The following PARN variants were observed in gnomAD, a reference collection of about 807,000 sequenced individuals.
PARN encodes poly(A)-specific ribonuclease PARN.
In PARN, 71 loss-of-function variants were observed where a neutral mutation model predicts 102.8. That is an observed-to-expected ratio of 0.69 (90% CI 0.57 to 0.84). The LOEUF (loss-of-function observed/expected upper bound fraction) is 0.84, where lower values mean the gene tolerates loss of function less well. Ranked by LOEUF, PARN falls within the 40% of genes least tolerant of loss-of-function variation. The pLI is 0.00. For missense variants in PARN, 782 were observed against 760.9 expected, an observed-to-expected ratio of 1.03 and a Z score of -0.33; for synonymous variants, 261 against 252.9, an observed-to-expected ratio of 1.03 and a Z score of -0.30.
chr16:14,469,800 C>T (rs1962609062), intron 22 of PARN, among the ~76,000 whole-genome samples: 2 of 151,926 alleles, frequency 1.3e-5, no homozygotes, highest in African/African-American at 2.4e-5. Flanking sequence ...GCTTTATTTC[C>T]GCTAACACCA....
intron 22 of PARN, among the ~76,000 whole-genome samples, chr16:14,454,985 A>G (rs761227320): frequency 6.6e-6 from 1 of 152,242 alleles, no homozygotes; most frequent in African/African-American, 2.4e-5. Context: ...ACATAAAAAT[A>G]ACCTCTACCT....
intron 16 of PARN, 84 bp from the exon 17 acceptor site, chr16:14,582,375 G>T (rs1969586841): frequency 1.2e-6 from 1 of 865,832 alleles, no homozygotes; most frequent in Non-Finnish European, 2.0e-6. Context: ...ATTAGCATAT[G>T]CTAGAGAAAT....
At chr16:14,493,184 C>G (rs1160680146) in intron 21 of PARN, among the ~76,000 whole-genome samples, 1 of 152,146 alleles carries the variant, frequency 6.6e-6, no homozygotes, top group Non-Finnish European at 1.5e-5. Context: ...CTGAAACCAC[C>G]TGTTAAAACA....
chr16:14,599,824 G>T, intron 12 of PARN, 80 bp downstream of exon 12: 1 of 825,364 alleles, frequency 1.2e-6, no homozygotes, highest in Non-Finnish European at 2.0e-6. Flanking sequence ...GAGATGAAAT[G>T]ATTAATCTGC....
At chr16:14,460,709 G>A (rs1205952205) in intron 22 of PARN, among the ~76,000 whole-genome samples, 2 of 152,170 alleles carry the variant, frequency 1.3e-5, no homozygotes, top group Non-Finnish European at 2.9e-5. Flanking sequence ...AGAAACCACT[G>A]AGAATTAAAG....
At chr16:14,602,866 A>G (rs1970959962) in intron 11 of PARN, among the ~76,000 whole-genome samples, 1 of 151,988 alleles carries the variant, frequency 6.6e-6, no homozygotes, top group African/African-American at 2.4e-5. Context: ...GCTGCAGCCT[A>G]GAACTCATCC....
chr16:14,439,892 G>A (rs1960872652), intron 23 of PARN, among the ~76,000 whole-genome samples: 1 of 152,142 alleles, frequency 6.6e-6, no homozygotes, highest in African/African-American at 2.4e-5. Context: ...GCAGGCGCCT[G>A]TAATCCCAGC....
chr16:14,539,512 A>G (rs1217478692), intron 21 of PARN, among the ~76,000 whole-genome samples: 1 of 152,240 alleles, frequency 6.6e-6, no homozygotes, highest in African/African-American at 2.4e-5. Context: ...GAGATACATA[A>G]GACGGCTAAT....
Position 14,609,007 on chromosome 16 carries a change from C to A in PARN, c.620+51G>T, listed in dbSNP as rs1971358435. On this transcript the variant is annotated intron_variant, in intron 8 of 23. Transcript: ENST00000437198. ...GACTAGATGCATCAAATGCCACAAA[C>A]CATCTACCTTTCCAAAAAAAGGACA... is the stretch of plus-strand genomic sequence containing the variant. The A allele has an allele frequency of 1.1e-5, 11 of 1,007,730 alleles. No homozygotes were observed. In the South Asian group the frequency reaches 1.5e-4, roughly 14 times the overall value. 62.4% of individuals were successfully genotyped at this position (1,007,730 alleles called of 1,614,324 possible).
chr16:14,593,859 C>T (rs1437578520), intron 12 of PARN, among the ~76,000 whole-genome samples: 4 of 151,734 alleles, frequency 2.6e-5, no homozygotes, highest in Admixed American at 2.0e-4. Context: ...TAGCCAGGTG[C>T]GGTGGTGCAT....
intron 18 of PARN, among the ~76,000 whole-genome samples, chr16:14,556,901 C>A (rs1383279353): frequency 6.6e-6 from 1 of 152,012 alleles, no homozygotes; most frequent in Non-Finnish European, 1.5e-5. Flanking sequence ...ATTTAAAACA[C>A]ACTAAAAGCA....
intron 10 of PARN, among the ~76,000 whole-genome samples, chr16:14,606,274 G>T (rs1971175142): frequency 6.6e-6 from 1 of 151,970 alleles, no homozygotes; most frequent in African/African-American, 2.4e-5. Context: ...GGTGGCACGA[G>T]CCTGTAGTCC....
At chr16:14,456,640 A>G (rs903627899) in intron 22 of PARN, among the ~76,000 whole-genome samples, 7 of 152,076 alleles carry the variant, frequency 4.6e-5, no homozygotes, top group Non-Finnish European at 8.8e-5. Flanking sequence ...GTACACTCCC[A>G]TTTTGCAGAC....
chr16:14,461,488 C>T (rs920244814), intron 22 of PARN, among the ~76,000 whole-genome samples: 25 of 152,266 alleles, frequency 1.6e-4, no homozygotes, highest in Admixed American at 5.2e-4. Context: ...TTATCCTTTG[C>T]GCTTTCAATG....
chr16:14,576,382 T>A (rs1388464864), intron 18 of PARN: 1 of 152,242 alleles, frequency 6.6e-6, no homozygotes, highest in Admixed American at 6.5e-5. Flanking sequence ...AAAAGAGACC[T>A]GCTTATTCTT....
rs1254494045 is a variant in PARN at position 14,610,810 on chromosome 16, C to T, written c.389-1G>A. On this transcript the variant is annotated splice_acceptor_variant, in intron 6 of 23. Coordinates refer to ENST00000437198, the MANE Select transcript of PARN (RefSeq NM_002582.4). LOFTEE classifies it high-confidence loss of function. ...TCTTCCTGATTTAAATATGGAATTC[C>T]TAAACACGATTTTAAAAAGAATGCA... 1 of 1,599,630 alleles carries T rather than the reference C, an allele frequency of 6.3e-7. No homozygotes were observed. Among genetic ancestry groups the T allele is most frequent in the Non-Finnish European group, 8.6e-7 (1 of 1,168,238 alleles).
At chr16:14,585,088 T>A (rs546103213) in intron 14 of PARN, among the ~76,000 whole-genome samples, 1 of 152,306 alleles carries the variant, frequency 6.6e-6, no homozygotes, top group South Asian at 2.1e-4. Flanking sequence ...TTCACCTGGA[T>A]CCTCAGAGAG....
chr16:14,451,179 T>A (rs1961428569), intron 22 of PARN, among the ~76,000 whole-genome samples: 1 of 152,170 alleles, frequency 6.6e-6, no homozygotes, highest in Non-Finnish European at 1.5e-5. Context: ...CTGGCCCAAA[T>A]ACATCCCACA....
intron 13 of PARN, among the ~76,000 whole-genome samples, chr16:14,593,007 G>T (rs1313044921): frequency 6.6e-6 from 1 of 151,970 alleles, no homozygotes; most frequent in Non-Finnish European, 1.5e-5. Context: ...GTGGTGACGG[G>T]TGCCTGTAAT....
Sources: allele counts gnomAD v4.1 joint callset (sites outside exome capture counted in the v4.1 genomes callset), GRCh38; gene constraint gnomAD v4.1.1; transcripts MANE v1.5; gene names NCBI Gene and HGNC (gene_info 2026-07-23, HGNC 2026-07-21).